The following RABGAP1L variants were observed in gnomAD, a reference collection of about 807,000 sequenced individuals.
The protein encoded by RABGAP1L is RAB GTPase activating protein 1 like.
RABGAP1L carries 63 observed loss-of-function variants against 137.7 expected under a neutral mutation model. That is an observed-to-expected ratio of 0.46 (90% CI 0.37 to 0.56). The LOEUF (loss-of-function observed/expected upper bound fraction) is 0.56, where lower values mean the gene tolerates loss of function less well. RABGAP1L is among the 20% of genes least tolerant of loss of function. The probability of loss-of-function intolerance (pLI) is 0.00; values close to 1 mark genes in which losing one functional copy is unlikely to be tolerated. For missense variants in RABGAP1L, 1,095 were observed against 1,244.0 expected, an observed-to-expected ratio of 0.88 and a Z score of 1.80; for synonymous variants, 431 against 433.7, an observed-to-expected ratio of 0.99 and a Z score of 0.08.
intron 17 of RABGAP1L, among the ~76,000 whole-genome samples, chr1:174,708,698 C>G (rs1049928455): frequency 2.0e-5 from 3 of 152,224 alleles, no homozygotes; most frequent in Non-Finnish European, 4.4e-5. Context: ...CCCTGAGTTT[C>G]AAGCATAAAA....
chr1:174,625,650 G>A (rs943793417), intron 13 of RABGAP1L, among the ~76,000 whole-genome samples: 3 of 152,192 alleles, frequency 2.0e-5, no homozygotes, highest in African/African-American at 4.8e-5. Context: ...TGAGCTTGAA[G>A]AATTTCAAAG....
chr1:174,802,410 C>T (rs1688838876), intron 18 of RABGAP1L, among the ~76,000 whole-genome samples: 1 of 152,118 alleles, frequency 6.6e-6, no homozygotes, highest in Non-Finnish European at 1.5e-5. Flanking sequence ...AGTTTGAGAC[C>T]AGCCTGACCA....
intron 13 of RABGAP1L, among the ~76,000 whole-genome samples, chr1:174,505,134 CAT>C (rs1661698615): frequency 6.6e-6 from 1 of 152,154 alleles, no homozygotes; most frequent in Admixed American, 6.5e-5. Context: ...GAGGAATTTG[CAT>C]ATCTTTACAG....
At chr1:174,209,545 T>A (rs1185692147) in intron 1 of RABGAP1L, among the ~76,000 whole-genome samples, 1 of 152,198 alleles carries the variant, frequency 6.6e-6, no homozygotes, top group Non-Finnish European at 1.5e-5. Context: ...GGAAGAATTG[T>A]GTCTTGTGGT....
chr1:174,752,994 T>C (rs1030374701), intron 18 of RABGAP1L, among the ~76,000 whole-genome samples: 8 of 152,192 alleles, frequency 5.3e-5, no homozygotes, highest in Non-Finnish European at 1.5e-5. Flanking sequence ...TTAAAGGCAA[T>C]AATTGCCTCA....
intron 15 of RABGAP1L, 42 bp downstream of exon 15, chr1:174,683,638 G>A (rs1217753978): frequency 1.4e-6 from 2 of 1,453,238 alleles, no homozygotes; most frequent in Middle Eastern, 3.5e-4. Context: ...GTGCTGCCAA[G>A]TTTATTTTAC....
At chr1:174,950,856 AT>A (rs1465909397) in intron 19 of RABGAP1L, among the ~76,000 whole-genome samples, 1 of 152,206 alleles carries the variant, frequency 6.6e-6, no homozygotes, top group Non-Finnish European at 1.5e-5. Flanking sequence ...AACTTGGGTC[AT>A]ATCAGCCTTT....
intron 13 of RABGAP1L, among the ~76,000 whole-genome samples, chr1:174,589,077 A>G (rs1468977427): frequency 2.6e-5 from 4 of 152,218 alleles, no homozygotes; most frequent in East Asian, 1.9e-4. Context: ...ACAGTGTACA[A>G]GAGTTCCCTT....
intron 17 of RABGAP1L, among the ~76,000 whole-genome samples, chr1:174,719,944 G>A (rs1436223651): frequency 2.0e-5 from 3 of 151,916 alleles, no homozygotes; most frequent in African/African-American, 2.4e-5. Context: ...TGATAAAAGA[G>A]TAAGTATAAT....
chr1:174,702,056 T>G, intron 16 of RABGAP1L, 57 bp from the exon 17 acceptor site: 3 of 1,531,472 alleles, frequency 2.0e-6, no homozygotes, highest in Non-Finnish European at 2.7e-6. Context: ...TGGCAGGAAC[T>G]TCATTGTTCT....
chr1:174,830,258 A>G (rs563455746), intron 19 of RABGAP1L, among the ~76,000 whole-genome samples: 12 of 146,816 alleles, frequency 8.2e-5, no homozygotes, highest in African/African-American at 2.5e-4. Flanking sequence ...ACATTCATGC[A>G]TGGAAAATTT....
chr1:174,685,548 G>T (rs1020045768), intron 15 of RABGAP1L, among the ~76,000 whole-genome samples: 1 of 90,024 alleles, frequency 1.1e-5, no homozygotes, highest in Non-Finnish European at 2.2e-5. Flanking sequence ...CCACCGCGCC[G>T]GCCTTTATTT....
intron 13 of RABGAP1L, among the ~76,000 whole-genome samples, chr1:174,574,394 C>T (rs6691981): frequency 0.012 from 1,841 of 152,050 alleles, 41 homozygotes; most frequent in African/African-American, 0.043. Flanking sequence ...AATCGATTTA[C>T]GTCTGAAGGC....
intron 13 of RABGAP1L, among the ~76,000 whole-genome samples, chr1:174,632,115 CTTG>C (rs1673445701): frequency 1.6e-5 from 2 of 127,756 alleles, no homozygotes; most frequent in African/African-American, 6.1e-5. Context: ...TCAGCATTTG[CTTG>C]TCTGTAAAGT....
At chr1:174,160,271 C>T (rs576450361) in intron 1 of RABGAP1L, among the ~76,000 whole-genome samples, 1 of 136,650 alleles carries the variant, frequency 7.3e-6, no homozygotes, top group Admixed American at 7.3e-5. Flanking sequence ...CAAACACCTC[C>T]CCCCAACCCC....
At chr1:174,284,151 A>G (rs892226803) in intron 10 of RABGAP1L, among the ~76,000 whole-genome samples, 7 of 152,182 alleles carry the variant, frequency 4.6e-5, no homozygotes, top group Non-Finnish European at 8.8e-5. Context: ...TGTCTTAGCA[A>G]ATTTCAAGTA....
At chr1:174,506,849 C>T (rs186787134) in intron 13 of RABGAP1L, among the ~76,000 whole-genome samples, 15 of 152,238 alleles carry the variant, frequency 9.9e-5, no homozygotes, top group Admixed American at 7.2e-4. Context: ...AAACTCACAC[C>T]TGTAATCCTA....
chr1:174,227,274 C>T (rs891420438), intron 3 of RABGAP1L, among the ~76,000 whole-genome samples: 1 of 149,798 alleles, frequency 6.7e-6, no homozygotes, highest in African/African-American at 2.5e-5. Context: ...GATCTCAGCT[C>T]ACTGCAACCT....
At chr1:174,459,215 A>G (rs1656394364) in intron 13 of RABGAP1L, among the ~76,000 whole-genome samples, 1 of 152,170 alleles carries the variant, frequency 6.6e-6, no homozygotes, top group South Asian at 2.1e-4. Flanking sequence ...GATTCAGTTA[A>G]TCAGAGGTAT....
Sources: gnomAD v4.1 joint callset for allele counts (sites outside exome capture counted in the v4.1 genomes callset) on GRCh38, gnomAD v4.1.1 for gene constraint, MANE v1.5 for transcripts, NCBI Gene and HGNC (gene_info 2026-07-23, HGNC 2026-07-21) for gene names.